The following CWC25 variants were observed in gnomAD, a reference collection of about 807,000 sequenced individuals.
CWC25 encodes the protein pre-mRNA-splicing factor CWC25 homolog.
A neutral mutation model predicts 54.6 loss-of-function variants in CWC25; 31 were observed. The observed-to-expected ratio is 0.57, with a 90% CI of 0.43 to 0.77. The LOEUF (loss-of-function observed/expected upper bound fraction) is 0.77. CWC25 is among the 30% of genes least tolerant of loss of function. The pLI is 0.00. For missense variants in CWC25, 453 were observed against 529.3 expected, an observed-to-expected ratio of 0.86 and a Z score of 1.41; for synonymous variants, 151 against 187.0, an observed-to-expected ratio of 0.81 and a Z score of 1.57.
rs1567670189 is a variant in CWC25 at position 38,806,554 on chromosome 17, G to A, written c.903-159C>T. ...GGTTTGATGTTAGACTCACCCCAGA[G>A]CTCCCAAAGCACAGAATACACCTAC... On this transcript the variant is annotated intron_variant, in intron 7 of 9. Transcript: ENST00000614790. The A allele has an allele frequency of 4.0e-6, 3 of 752,186 alleles. No homozygotes were observed. In the African/African-American group the frequency reaches 5.3e-5, roughly 13 times the overall value. 46.6% of individuals were successfully genotyped at this position (752,186 alleles called of 1,614,324 possible). A position where few individuals can be genotyped will look rare whatever the true frequency, so the allele number is the denominator to read the frequency against.
intron 6 of CWC25, among the ~76,000 whole-genome samples, chr17:38,809,310 C>T (rs867631616): frequency 1.6e-4 from 24 of 151,546 alleles, no homozygotes; most frequent in Non-Finnish European, 2.2e-4. Context: ...CGCCTGTAAT[C>T]CCAGCTACTC....
At chr17:38,817,296 T>C (rs1911742032) in intron 2 of CWC25, among the ~76,000 whole-genome samples, 1 of 148,564 alleles carries the variant, frequency 6.7e-6, no homozygotes, top group Non-Finnish European at 1.5e-5. Flanking sequence ...GCTGAGATCA[T>C]GCCATTGTAC....
chr17:38,806,451 A>G, intron 7 of CWC25, 56 bp from the exon 8 acceptor site: 2 of 1,392,148 alleles, frequency 1.4e-6, no homozygotes, highest in South Asian at 1.2e-5. Context: ...AGGGGCTTAC[A>G]CTGAATCCCT....
chr17:38,812,275 C>A (rs1417724850), intron 4 of CWC25, among the ~76,000 whole-genome samples: 1 of 152,114 alleles, frequency 6.6e-6, no homozygotes, highest in East Asian at 1.9e-4. Flanking sequence ...CATACTCCAA[C>A]CTCCTGAACA....
chr17:38,816,637 T>C (rs1598075804), intron 2 of CWC25, among the ~76,000 whole-genome samples: 1 of 152,192 alleles, frequency 6.6e-6, no homozygotes, highest in East Asian at 1.9e-4. Context: ...AGTTGCATGC[T>C]TGGACATTTT....
In CWC25 at chr17:38,806,776, T is replaced by A; in HGVS notation, c.891A>T (p.Arg297Ser). The change falls in exon 7 of 10, where the codon AGA becomes AGT. Residue 297 changes from arginine to serine, a missense_variant. Coordinates refer to ENST00000614790, the MANE Select transcript of CWC25 (RefSeq NM_017748.5). ...RSLGRRSRSPRPSKLHNSKVN... is the reference protein window; with the variant it reads ...RSLGRRSRSPSPSKLHNSKVN... ...AATCCCACACTCACAGTTTGCTGGG[T>A]CTTGGGGACCGTGACCTTCTGCCCA... is the stretch of plus-strand genomic sequence containing the variant. 1 of 1,594,494 alleles carries A rather than the reference T, an allele frequency of 6.3e-7. No homozygotes were observed. Among genetic ancestry groups the A allele is most frequent in the African/African-American group, 1.3e-5 (1 of 74,264 alleles).
chr17:38,821,181 G>A, intron 1 of CWC25, 108 bp from the exon 2 acceptor site: 1 of 1,036,414 alleles, frequency 9.6e-7, no homozygotes, highest in East Asian at 2.5e-5. Flanking sequence ...GCGTGTGAGG[G>A]CAAGATGTCT....
At chr17:38,813,574 T>C (rs1911576897) in intron 3 of CWC25, among the ~76,000 whole-genome samples, 3 of 145,504 alleles carry the variant, frequency 2.1e-5, no homozygotes, top group Admixed American at 2.1e-4. Context: ...AAAAGAGTCA[T>C]GCTCAGTCGT....
rs536684345 is a variant in CWC25 at position 38,821,553 on chromosome 17, C to T, written c.19-480G>A. Among the ~76,000 whole-genome samples, 8 of 152,212 alleles carry T rather than the reference C, an allele frequency of 5.3e-5. No individual in the cohort carries two copies. The East Asian group carries it at 5.8e-4, about 11-fold the overall frequency. Reference sequence around the variant, plus strand: ...CAGCCTGGGCGACAGAGCAAGACTCCGTCTCAAAACAACAAGAACAAGAAC... The same window carrying T: ...CAGCCTGGGCGACAGAGCAAGACTCTGTCTCAAAACAACAAGAACAAGAAC... On this transcript the variant is annotated intron_variant, in intron 1 of 9. Transcript: ENST00000614790.
chr17:38,825,124 C>T, intron 1 of CWC25, 42 bp downstream of exon 1: 2 of 1,465,642 alleles, frequency 1.4e-6, no homozygotes, highest in Non-Finnish European at 1.8e-6. Context: ...CAATTTCCGT[C>T]CCGGCCTCAG....
chr17:38,823,004 AT>A (rs1057381863), intron 1 of CWC25, among the ~76,000 whole-genome samples: 2 of 149,728 alleles, frequency 1.3e-5, no homozygotes, highest in African/African-American at 4.9e-5. Context: ...TGCCCAGCTA[AT>A]TTTTTTTGTA....
intron 1 of CWC25, among the ~76,000 whole-genome samples, chr17:38,823,558 T>C (rs536148569): frequency 3.8e-4 from 58 of 152,236 alleles, no homozygotes; most frequent in African/African-American, 1.4e-3. Context: ...ACTTGGCATG[T>C]GGAAAATGTT....
rs538909305 is a variant in CWC25, at chr17:38,801,259, A to G, written c.*833T>C. 1 of 152,296 alleles carries G rather than the reference A, an allele frequency of 6.6e-6. No individual in the cohort carries two copies. Among genetic ancestry groups the G allele is most frequent in the Non-Finnish European group, 1.5e-5 (1 of 68,016 alleles). 9.4% of individuals were successfully genotyped at this position (152,296 alleles called of 1,614,324 possible). ...TATTGGCAATTTGGTTCTGACTCCTAAAATCATTTTACTATACCTTTACAC... is the reference window on the plus strand; with the variant it reads ...TATTGGCAATTTGGTTCTGACTCCTGAAATCATTTTACTATACCTTTACAC... On this transcript the variant is annotated 3_prime_UTR_variant, in exon 10 of 10. Transcript: ENST00000614790.
intron 8 of CWC25, 127 bp from the exon 9 acceptor site, chr17:38,802,988 A>G: frequency 9.5e-7 from 1 of 1,054,158 alleles, no homozygotes. Context: ...GTGCAAGGCC[A>G]GCCTGAGTTC....
At chr17:38,814,745 C>CA (rs71138658) in intron 3 of CWC25, 116 bp downstream of exon 3, 49,443 of 454,814 alleles carry the variant, frequency 0.11, 47 homozygotes, top group Middle Eastern at 0.12. Flanking sequence ...GACTCCGTCT[C>CA]AAAAAAAAAA....
chr17:38,821,188 GTCT>G, intron 1 of CWC25, 115 bp from the exon 2 acceptor site: 1 of 950,850 alleles, frequency 1.1e-6, no homozygotes, highest in Non-Finnish European at 1.6e-6. Flanking sequence ...AGGGCAAGAT[GTCT>G]TCAACAATGG....
chr17:38,822,132 C>T (rs992381005), intron 1 of CWC25, among the ~76,000 whole-genome samples: 1 of 151,944 alleles, frequency 6.6e-6, no homozygotes. Context: ...GGCAGGATCT[C>T]GGGTCACGGC....
Position 38,814,917 on chromosome 17 carries a change from G to C in CWC25, c.372C>G (p.Ala124=). Residue 124 remains alanine (A), a synonymous_variant, in exon 3 of 10, where the codon GCC becomes GCG. Transcript: ENST00000614790. ...TGCTGGCCATGTCAAGAAGGGAATT[G>C]GCACCTGATGGGGCAAAGATAGAGC... ...LPGSIFAPSG[A]NSLLDMASKI... The C allele has an allele frequency of 6.2e-7, 1 of 1,613,620 alleles. No homozygotes were observed. The highest frequency in any genetic ancestry group is 8.5e-7 in the Non-Finnish European group (1 of 1,179,862).
Position 38,825,265 on chromosome 17 carries a change from G to T in CWC25, c.-82C>A. 1 of 1,447,712 alleles carries T rather than the reference G, an allele frequency of 6.9e-7. No homozygotes were observed. The highest frequency in any genetic ancestry group is 9.4e-7 in the Non-Finnish European group (1 of 1,068,636). The allele number at this position is 1,447,712 out of a possible 1,614,324, so 89.7% of individuals were successfully genotyped here. On this transcript the variant is annotated 5_prime_UTR_variant, in exon 1 of 10. Coordinates refer to ENST00000614790, the MANE Select transcript of CWC25 (RefSeq NM_017748.5). ...GAAAACGTAGAGAAATAGTTCGGGG[G>T]CTACCTCGCGGGATCTAGTCCCAGG...
Sources: allele counts gnomAD v4.1 joint callset (sites outside exome capture counted in the v4.1 genomes callset), GRCh38; gene constraint gnomAD v4.1.1; transcripts MANE v1.5; gene names NCBI Gene and HGNC (gene_info 2026-07-23, HGNC 2026-07-21).